The following ZFHX3 variants were observed in gnomAD, a reference collection of about 807,000 sequenced individuals.
ZFHX3 encodes the protein zinc finger homeobox 3.
ZFHX3 carries 42 observed loss-of-function variants against 279.1 expected under a neutral mutation model. That is an observed-to-expected ratio of 0.15 (90% confidence interval 0.12 to 0.19). The LOEUF is 0.19. Among genes scored for constraint, ZFHX3 ranks in the 10% least tolerant of loss-of-function variants. The probability of loss-of-function intolerance (pLI) is 1.00; values close to 1 mark genes in which losing one functional copy is unlikely to be tolerated. For missense variants in ZFHX3, 4,981 were observed against 4,754.0 expected (o/e 1.05, Z -1.40); for synonymous variants, 2,293 against 1,957.8 (o/e 1.17, Z -4.52).
chr16:73,843,364 G>A (rs918142522), intron 1 of ZFHX3, among the ~76,000 whole-genome samples: 38 of 152,134 alleles, frequency 2.5e-4, no homozygotes, highest in Non-Finnish European at 8.8e-5. Context: ...CAAAAGGCCC[G>A]GTTTTGAACG....
At chr16:72,898,624 A>AGG (rs1567571945) in intron 3 of ZFHX3, among the ~76,000 whole-genome samples, 8 of 151,840 alleles carry the variant, frequency 5.3e-5, no homozygotes. Context: ...ATGTAAACAG[A>AGG]TTTCACTTCC....
intron 3 of ZFHX3, among the ~76,000 whole-genome samples, chr16:72,947,392 C>T (rs1033096507): frequency 3.3e-5 from 5 of 152,300 alleles, no homozygotes; most frequent in South Asian, 2.1e-4. Flanking sequence ...AATTATCTCA[C>T]GCTTTCAGAA....
At chr16:73,275,705 A>T (rs2014277930) in intron 4 of ZFHX3, among the ~76,000 whole-genome samples, 1 of 152,224 alleles carries the variant, frequency 6.6e-6, no homozygotes, top group Non-Finnish European at 1.5e-5. Flanking sequence ...AGCCCAATTT[A>T]AAATACTTTA....
chr16:73,398,051 G>T (rs2143419508), intron 3 of ZFHX3, among the ~76,000 whole-genome samples: 1 of 152,236 alleles, frequency 6.6e-6, no homozygotes, highest in South Asian at 2.1e-4. Context: ...CACCACGCTG[G>T]CCAGGCTTGA....
At chr16:73,261,250 G>A (rs754262831) in intron 4 of ZFHX3, among the ~76,000 whole-genome samples, 72 of 152,080 alleles carry the variant, frequency 4.7e-4, no homozygotes, top group African/African-American at 1.6e-3. Context: ...ATACAACTTT[G>A]TGTCTAGTGT....
chr16:72,830,685 G>A lies in ZFHX3; in HGVS notation c.3449-826C>T, dbSNP rs115202523. Among the ~76,000 whole-genome samples the A allele has an allele frequency of 4.6e-3, 699 of 152,334 alleles. 11 individuals carry two copies. The highest frequency in any genetic ancestry group is 0.015 in the African/African-American group (634 of 41,564). On this transcript the variant is annotated intron_variant, in intron 4 of 9. Coordinates refer to ENST00000268489, the MANE Select transcript of ZFHX3 (RefSeq NM_006885.4). ...ATGAAGTCAAATGTCGTTCAGCCAA[G>A]TGGGGAAGAAGAGAATAAGATACTC...
chr16:73,214,843 CTTTTTTTTT>C (rs386385051), intron 5 of ZFHX3, among the ~76,000 whole-genome samples: 6 of 79,250 alleles, frequency 7.6e-5, no homozygotes, highest in African/African-American at 1.5e-4. Flanking sequence ...TGCTGAAGGC[CTTTTTTTTT>C]TTTTTTTTTT....
intron 4 of ZFHX3, among the ~76,000 whole-genome samples, chr16:72,836,882 A>G (rs2037206041): frequency 6.6e-6 from 1 of 152,174 alleles, no homozygotes; most frequent in Non-Finnish European, 1.5e-5. Flanking sequence ...GGCAGGAGAA[A>G]GCAGGCAGGG....
At chr16:73,681,619 G>A (rs1266501433) in intron 1 of ZFHX3, among the ~76,000 whole-genome samples, 2 of 152,146 alleles carry the variant, frequency 1.3e-5, no homozygotes, top group African/African-American at 4.8e-5. Flanking sequence ...GCTAAGTCTG[G>A]CAAGGCTTAG....
chr16:72,954,736 T>C (rs1221583880), intron 2 of ZFHX3, among the ~76,000 whole-genome samples: 1 of 152,172 alleles, frequency 6.6e-6, no homozygotes, highest in Non-Finnish European at 1.5e-5. Flanking sequence ...TCTAATGTGC[T>C]GTCTACAAAG....
At chr16:72,920,418 T>C (rs2039554281) in intron 3 of ZFHX3, among the ~76,000 whole-genome samples, 1 of 152,090 alleles carries the variant, frequency 6.6e-6, no homozygotes, top group Non-Finnish European at 1.5e-5. Context: ...CAGTGGCTCA[T>C]GCCTGTAATC....
chr16:73,131,475 G>T (rs554134239), intron 6 of ZFHX3, among the ~76,000 whole-genome samples: 1 of 152,310 alleles, frequency 6.6e-6, no homozygotes, highest in Admixed American at 6.5e-5. Flanking sequence ...TTGAGGGCAC[G>T]TCTGATTCTT....
At chr16:73,133,909 T>A (rs978622515) in intron 6 of ZFHX3, among the ~76,000 whole-genome samples, 3 of 152,142 alleles carry the variant, frequency 2.0e-5, no homozygotes, top group African/African-American at 7.2e-5. Context: ...GTACCTGGAG[T>A]AATCTAGGTA....
intron 5 of ZFHX3, among the ~76,000 whole-genome samples, chr16:73,203,215 C>G (rs1023494066): frequency 1.3e-5 from 2 of 152,126 alleles, no homozygotes; most frequent in African/African-American, 4.8e-5. Flanking sequence ...CATCAACTGA[C>G]TTTGCATTCC....
intron 5 of ZFHX3, among the ~76,000 whole-genome samples, chr16:73,163,811 T>C (rs1285469161): frequency 6.6e-6 from 1 of 152,178 alleles, no homozygotes; most frequent in Non-Finnish European, 1.5e-5. Context: ...CATATCAATA[T>C]TTTACATAAA....
intron 4 of ZFHX3, among the ~76,000 whole-genome samples, chr16:72,842,122 A>T (rs1024387769): frequency 6.6e-6 from 1 of 152,230 alleles, no homozygotes; most frequent in Non-Finnish European, 1.5e-5. Context: ...TACACACTGC[A>T]GTTGGCGGAA....
At chr16:73,390,029 C>T (rs1470101471) in intron 3 of ZFHX3, among the ~76,000 whole-genome samples, 2 of 152,078 alleles carry the variant, frequency 1.3e-5, no homozygotes, top group Non-Finnish European at 2.9e-5. Flanking sequence ...CACTGCACTC[C>T]AGCCTGGGTG....
At chr16:72,933,367 C>T (rs931498162) in intron 3 of ZFHX3, among the ~76,000 whole-genome samples, 13 of 152,056 alleles carry the variant, frequency 8.5e-5, no homozygotes, top group African/African-American at 3.1e-4. Context: ...TGAGAAGAGA[C>T]CTCGAAGCTT....
intron 5 of ZFHX3, among the ~76,000 whole-genome samples, chr16:73,225,084 G>A (rs1317595945): frequency 1.3e-5 from 2 of 152,044 alleles, no homozygotes; most frequent in African/African-American, 4.8e-5. Context: ...ATGAGATTAT[G>A]TACTGGCTAT....
Sources: gnomAD v4.1 joint callset for allele counts (sites outside exome capture counted in the v4.1 genomes callset) on GRCh38, gnomAD v4.1.1 for gene constraint, MANE v1.5 for transcripts, NCBI Gene and HGNC (gene_info 2026-07-23, HGNC 2026-07-21) for gene names.